The following MOK variants were observed in gnomAD, a reference collection of about 807,000 sequenced individuals.
MOK encodes MAPK/MAK/MRK overlapping kinase.
MOK carries 59 observed loss-of-function variants against 54.2 expected under a neutral mutation model. That is an observed-to-expected ratio of 1.09 (90% CI 0.88 to 1.35). The LOEUF is 1.35. MOK is among the 40% of genes most tolerant of loss of function. The probability of loss-of-function intolerance (pLI) is 0.00; values close to 1 mark genes in which losing one functional copy is unlikely to be tolerated. For missense variants in MOK, 517 were observed against 526.2 expected (o/e 0.98, Z 0.17); for synonymous variants, 210 against 202.7 (o/e 1.04, Z -0.31).
chr14:102,219,062 C>A, the MOK span, among the ~76,000 whole-genome samples: 1 of 152,324 alleles, frequency 6.6e-6, no homozygotes, highest in East Asian at 1.9e-4. Context: ...GAGTTTGACA[C>A]GGATGACCAT....
At chr14:102,223,676 G>C (rs942576847), downstream of MOK, 1 of 152,350 alleles carries the variant, frequency 6.6e-6, no homozygotes, top group East Asian at 1.9e-4. Flanking sequence ...TGAATATACC[G>C]CTTGTTTATC....
chr14:102,302,675 A>C (rs976773523), intron 1 of MOK, among the ~76,000 whole-genome samples: 1 of 151,766 alleles, frequency 6.6e-6, no homozygotes, highest in African/African-American at 2.4e-5. Context: ...TCGGCCTCCC[A>C]AAGTGTTGGC....
At position 102,228,993 on chromosome 14, in the gene MOK, GTTTGT is replaced by G. The variant is rs755688420; in HGVS notation, c.*291_*295del. The G allele has an allele frequency of 1.3e-4, 55 of 419,088 alleles. No individual in the cohort carries two copies. Among genetic ancestry groups the G allele is most frequent in the Non-Finnish European group, 2.1e-4 (51 of 237,268 alleles). The allele number at this position is 419,088 out of a possible 1,614,324, so 26.0% of individuals were successfully genotyped here. A position where few individuals can be genotyped will look rare whatever the true frequency, so the allele number is the denominator to read the frequency against. On this transcript the variant is annotated 3_prime_UTR_variant, in exon 12 of 12. Transcript: ENST00000361847. Reference sequence around the variant, plus strand: ...CAACACATCACAGAAATGCCTGCTCGTTTGTTTTGATTCATATACAAAGTTACAAA... The same window carrying G: ...CAACACATCACAGAAATGCCTGCTCGTTTGATTCATATACAAAGTTACAAA...
At chr14:102,224,053 T>C (rs1159074307), downstream of MOK, among the ~76,000 whole-genome samples, 1 of 150,214 alleles carries the variant, frequency 6.7e-6, no homozygotes, top group Non-Finnish European at 1.5e-5. Flanking sequence ...TTTTTTTTTT[T>C]TTTTTTGAGA....
downstream of MOK, chr14:102,222,940 G>A: frequency 6.2e-7 from 1 of 1,603,098 alleles, no homozygotes; most frequent in South Asian, 1.1e-5. This position sits in a 1 kb window ranked among gnomAD's most constrained non-coding sequence, Gnocchi z 4.4. Flanking sequence ...GAGTGACGAG[G>A]AGGAGCTCCG....
At chr14:102,260,887 C>T (rs760169138) in intron 4 of MOK, among the ~76,000 whole-genome samples, 2 of 151,876 alleles carry the variant, frequency 1.3e-5, no homozygotes, top group Admixed American at 6.6e-5. Context: ...TTTGGGAGGC[C>T]GAGAAAGGCG....
downstream of MOK, among the ~76,000 whole-genome samples, chr14:102,228,577 G>A (rs1597216219): frequency 6.6e-6 from 1 of 151,752 alleles, no homozygotes; most frequent in Admixed American, 6.6e-5. Context: ...GTGCATGCAC[G>A]TAATCCCAGC....
rs1224498895 is a variant in MOK, at chr14:102,238,948, G to A, written c.591-5159C>T. 6.6e-6 allele frequency among the ~76,000 whole-genome samples: 1 copy of A among 152,046 alleles called. No individual in the cohort carries two copies. The highest frequency in any genetic ancestry group is 1.5e-5 in the Non-Finnish European group (1 of 68,030). On this transcript the variant is annotated intron_variant, in intron 7 of 11. Coordinates refer to ENST00000361847, the MANE Select transcript of MOK (RefSeq NM_014226.3). The surrounding 1 kb of genome is among the most constrained non-coding windows in gnomAD (Gnocchi z 4.8). ...ACTGGCAAATAGACTTCACCCACAT[G>A]CCTCCCGTCAAAAACACAAGACTAC...
the MOK span, among the ~76,000 whole-genome samples, chr14:102,218,131 C>T: frequency 3.9e-5 from 6 of 152,358 alleles, no homozygotes; most frequent in East Asian, 3.9e-4. Context: ...CTAGTCTGCC[C>T]GCCCGCGTGC....
chr14:102,288,289 C>T (rs1223721892), intron 1 of MOK, among the ~76,000 whole-genome samples: 1 of 152,166 alleles, frequency 6.6e-6, no homozygotes, highest in Non-Finnish European at 1.5e-5. Flanking sequence ...ATCCAAATGT[C>T]CATCAGGAGA....
intron 2 of MOK, among the ~76,000 whole-genome samples, chr14:102,280,323 T>G (rs1209246223): frequency 6.6e-6 from 1 of 152,038 alleles, no homozygotes; most frequent in East Asian, 1.9e-4. Context: ...ATCCTCCCAC[T>G]TCAGCCTCCC....
chr14:102,278,706 A>G (rs1298662597), intron 2 of MOK: 2 of 455,928 alleles, frequency 4.4e-6, no homozygotes, highest in Non-Finnish European at 8.8e-6. Flanking sequence ...TGAAAGATGT[A>G]ACAATGGATC....
At position 102,245,466 on chromosome 14, in the gene MOK, C is replaced by T. The variant is rs984571795; in HGVS notation, c.590+5346G>A. Among the ~76,000 whole-genome samples the T allele has an allele frequency of 6.6e-6, 1 of 152,268 alleles. No individual in the cohort carries two copies. The highest frequency in any genetic ancestry group is 2.4e-5 in the African/African-American group (1 of 41,546). On this transcript the variant is annotated intron_variant, in intron 7 of 11. Transcript: ENST00000361847. The surrounding 1 kb of genome is among the most constrained non-coding windows in gnomAD (Gnocchi z 4.3). ...AGATGGCCTGAAGCAAGTGAAGAAT[C>T]ACAAAAGAAGTGAAAATGGCCGGTC...
intron 1 of MOK, 31 bp from the exon 2 acceptor site, chr14:102,283,623 T>C: frequency 7.1e-7 from 1 of 1,402,996 alleles, no homozygotes; most frequent in Non-Finnish European, 1.0e-6. Context: ...AAAAATAAAA[T>C]GTTATTTATG....
At chr14:102,250,355 G>T (rs58327231) in intron 7 of MOK, among the ~76,000 whole-genome samples, 2 of 152,158 alleles carry the variant, frequency 1.3e-5, no homozygotes, top group African/African-American at 2.4e-5. Flanking sequence ...CAAAGGCTGG[G>T]GGGGAGTGGG....
intron 1 of MOK, among the ~76,000 whole-genome samples, chr14:102,303,079 T>G (rs2072420794): frequency 6.6e-6 from 1 of 151,486 alleles, no homozygotes; most frequent in Admixed American, 6.6e-5. Flanking sequence ...GAGAATCACT[T>G]GAACCCGGGA....
chr14:102,241,686 G>A (rs1274172701), intron 7 of MOK, among the ~76,000 whole-genome samples: 1 of 152,046 alleles, frequency 6.6e-6, no homozygotes, highest in Non-Finnish European at 1.5e-5. Flanking sequence ...TTAGATTCCG[G>A]CCCTCAAACC....
At position 102,229,225 on chromosome 14, in the gene MOK, C is replaced by A; in HGVS notation, c.*64G>T. ...CCTCCGTGGCGTCTCAGCAGCAGAT[C>A]ACCCAGGCCTGGCCCGGTCGGGCTT... On this transcript the variant is annotated 3_prime_UTR_variant, in exon 12 of 12. Transcript: ENST00000361847. The A allele has an allele frequency of 6.8e-7, 1 of 1,474,938 alleles. No homozygotes were observed. The highest frequency in any genetic ancestry group is 1.3e-5 in the South Asian group (1 of 75,474). The allele number at this position is 1,474,938 out of a possible 1,614,324, so 91.4% of individuals were successfully genotyped here.
At chr14:102,255,123 T>C (rs1010609085) in intron 4 of MOK, among the ~76,000 whole-genome samples, 1 of 152,132 alleles carries the variant, frequency 6.6e-6, no homozygotes, top group African/African-American at 2.4e-5. Context: ...ATCGAGACCA[T>C]CCTGGCTAAC....
Sources: gnomAD v4.1 joint callset for allele counts (sites outside exome capture counted in the v4.1 genomes callset) on GRCh38, gnomAD v4.1.1 for gene constraint, Gnocchi (gnomAD v3.1) non-coding constraint, MANE v1.5 for transcripts, NCBI Gene and HGNC (gene_info 2026-07-23, HGNC 2026-07-21) for gene names.